Variants in CORO1C observed in about 807,000 individuals in gnomAD.
CORO1C encodes coronin 1C, also known as coronin-1C.
CORO1C carries 14 observed loss-of-function variants against 51.2 expected under a neutral mutation model. The observed-to-expected ratio is 0.27, with a 90% CI of 0.18 to 0.43. CORO1C has a LOEUF of 0.43. Among genes scored for constraint, CORO1C ranks in the 20% least tolerant of loss-of-function variants. CORO1C has a pLI of 1.00. For missense variants in CORO1C, 417 were observed against 607.8 expected, an observed-to-expected ratio of 0.69 and a Z score of 3.30; for synonymous variants, 181 against 210.5, an observed-to-expected ratio of 0.86 and a Z score of 1.21.
intron 3 of CORO1C, among the ~76,000 whole-genome samples, chr12:108,678,017 T>TA (rs1232484154): frequency 2.1e-4 from 29 of 139,166 alleles, no homozygotes; most frequent in African/African-American, 6.1e-4. Context: ...AGACTCCATC[T>TA]CAAAAAAAAA....
intron 4 of CORO1C, among the ~76,000 whole-genome samples, chr12:108,660,973 T>C (rs188387975): frequency 1.3e-5 from 2 of 152,322 alleles, no homozygotes; most frequent in African/African-American, 2.4e-5. Context: ...CCCCTCCTCC[T>C]TTTTACTGGT....
intron 1 of CORO1C, among the ~76,000 whole-genome samples, chr12:108,718,416 C>T (rs888744797): frequency 1.3e-5 from 2 of 151,572 alleles, no homozygotes; most frequent in Non-Finnish European, 2.9e-5. Context: ...GTGGCACATG[C>T]CTGTAATCCC....
intron 3 of CORO1C, among the ~76,000 whole-genome samples, chr12:108,673,617 A>C (rs773877206): frequency 5.9e-5 from 9 of 152,228 alleles, no homozygotes; most frequent in Non-Finnish European, 8.8e-5. Flanking sequence ...AGAGAGGAGA[A>C]GTCAATGCCT....
At chr12:108,710,907 G>A (rs2035162047) in intron 1 of CORO1C, among the ~76,000 whole-genome samples, 1 of 152,098 alleles carries the variant, frequency 6.6e-6, no homozygotes, top group African/African-American at 2.4e-5. Flanking sequence ...CCAAGAACAA[G>A]TAAAAATAAG....
rs919961144 is a variant in CORO1C, at chr12:108,662,300, A to C, written c.319-142T>G. ...CTGGATGAAAGGCAGAATGTTGTGA[A>C]ATGACCGTGTTAGGCGGTTTTTTTT... is the stretch of plus-strand genomic sequence containing the variant. On this transcript the variant is annotated intron_variant, in intron 3 of 10. Transcript: ENST00000261401. 2.2e-5 allele frequency: 17 copies of C among 764,870 alleles called. No individual in the cohort carries two copies. The African/African-American group carries it at 2.6e-4, about 12-fold the overall frequency. 47.4% of individuals were successfully genotyped at this position (764,870 alleles called of 1,614,324 possible).
chr12:108,726,138 T>C (rs1037630088), intron 1 of CORO1C, among the ~76,000 whole-genome samples: 4 of 152,180 alleles, frequency 2.6e-5, no homozygotes, highest in African/African-American at 9.7e-5. Context: ...CGGCATGAAA[T>C]ATTTTTAATT....
chr12:108,726,215 A>C (rs1214215615), intron 1 of CORO1C, among the ~76,000 whole-genome samples: 3 of 152,268 alleles, frequency 2.0e-5, no homozygotes, highest in African/African-American at 7.2e-5. Context: ...CAGGAGATCG[A>C]GATCATCCTG....
chr12:108,703,127 C>T (rs2034926923), intron 1 of CORO1C: 3 of 513,006 alleles, frequency 5.8e-6, no homozygotes, highest in Admixed American at 3.7e-5. Context: ...TCTTGGGCTC[C>T]ACTTCCCCAC....
chr12:108,711,897 T>G (rs76030883), intron 1 of CORO1C, among the ~76,000 whole-genome samples: 2,946 of 152,248 alleles, frequency 0.019, 92 homozygotes, highest in African/African-American at 0.068. Context: ...AGCTATCTGT[T>G]TAAAGATTCC....
chr12:108,691,739 C>T (rs956895179), intron 2 of CORO1C, among the ~76,000 whole-genome samples: 3 of 152,182 alleles, frequency 2.0e-5, no homozygotes, highest in African/African-American at 4.8e-5. Context: ...AGAGCCCTGT[C>T]AGGCCTGCGG....
At chr12:108,708,392 T>C (rs1431616016) in intron 1 of CORO1C, among the ~76,000 whole-genome samples, 6 of 151,462 alleles carry the variant, frequency 4.0e-5, no homozygotes, top group African/African-American at 1.5e-4. Context: ...AAAATCGACA[T>C]ACTAATTTAT....
chr12:108,701,593 A>T, intron 1 of CORO1C: 1 of 458,028 alleles, frequency 2.2e-6, no homozygotes, highest in East Asian at 4.4e-5. Context: ...CAATGGAAAG[A>T]TTAAGGGAAA....
chr12:108,704,896 G>A (rs903244177), intron 1 of CORO1C, among the ~76,000 whole-genome samples: 1 of 152,192 alleles, frequency 6.6e-6, no homozygotes, highest in African/African-American at 2.4e-5. Context: ...TCTCCATTAA[G>A]TGTAAAATTC....
chr12:108,672,115 C>T (rs2033743238), intron 3 of CORO1C, among the ~76,000 whole-genome samples: 1 of 152,156 alleles, frequency 6.6e-6, no homozygotes, highest in African/African-American at 2.4e-5. Flanking sequence ...TCACAGATAA[C>T]TTATTATCAG....
chr12:108,683,278 G>T (rs2034185950), intron 2 of CORO1C, among the ~76,000 whole-genome samples: 1 of 152,044 alleles, frequency 6.6e-6, no homozygotes, highest in Non-Finnish European at 1.5e-5. Flanking sequence ...ACTTAGCCAG[G>T]CATGGTGGTG....
intron 2 of CORO1C, among the ~76,000 whole-genome samples, chr12:108,687,492 A>C (rs1416429631): frequency 6.6e-6 from 1 of 151,900 alleles, no homozygotes; most frequent in African/African-American, 2.4e-5. Flanking sequence ...GTTTCAAAAA[A>C]ATAATAATAA....
intron 1 of CORO1C, among the ~76,000 whole-genome samples, chr12:108,714,583 A>G (rs978379029): frequency 4.6e-5 from 7 of 151,296 alleles, no homozygotes; most frequent in Non-Finnish European, 8.8e-5. Flanking sequence ...CAACATGGCA[A>G]AACTCCATCT....
At chr12:108,686,507 T>G (rs1055298335) in intron 2 of CORO1C, among the ~76,000 whole-genome samples, 1 of 152,272 alleles carries the variant, frequency 6.6e-6, no homozygotes, top group African/African-American at 2.4e-5. Flanking sequence ...CCTCTGTTGC[T>G]TAATCTAGAA....
rs77329155 is a variant in CORO1C at position 108,652,519 on chromosome 12, C to T, written c.856-102G>A. 8.4e-3 allele frequency: 7,212 copies of T among 858,530 alleles called. 41 individuals are homozygous for T. The highest frequency in any genetic ancestry group is 0.01 in the Non-Finnish European group (5,368 of 531,184). 53.2% of individuals were successfully genotyped at this position (858,530 alleles called of 1,614,324 possible). On this transcript the variant is annotated intron_variant, in intron 7 of 10. Transcript: ENST00000261401. ...ACAAACCCAGCAGTAGTTGGGACCC[C>T]GCTTCAGTAGCTGACCTTTTCTTCC...
Sources: allele counts gnomAD v4.1 joint callset (sites outside exome capture counted in the v4.1 genomes callset), GRCh38; gene constraint gnomAD v4.1.1; transcripts MANE v1.5; gene names NCBI Gene and HGNC (gene_info 2026-07-23, HGNC 2026-07-21).